The following RDH13 variants were observed in gnomAD, a reference collection of about 807,000 sequenced individuals.
RDH13 encodes retinol dehydrogenase 13.
RDH13 carries 35 observed loss-of-function variants against 28.3 expected under a neutral mutation model. The ratio of observed to expected loss-of-function variants is 1.24; its 90% CI spans 0.95 to 1.64. RDH13 has a LOEUF of 1.64. Among genes scored for constraint, RDH13 ranks in the 40% most tolerant of loss-of-function variants. The pLI, the probability that RDH13 is intolerant of heterozygous loss-of-function variation, is 0.00. For missense variants in RDH13, 514 were observed against 446.3 expected (o/e 1.15, Z -1.37); for synonymous variants, 229 against 198.5 (o/e 1.15, Z -1.29).
rs58069132 is a variant in RDH13, at chr19:55,051,421, G to GT, written c.341-2659dup. On this transcript the variant is annotated intron_variant, in intron 3 of 6. Coordinates refer to ENST00000415061, the MANE Select transcript of RDH13 (RefSeq NM_001145971.2). ...CGCCAGCTTCTGGTGTTTTGTTTTG[G>GT]TTTTTTTTCTTTTTTTTTTTGAGAT... Among the ~76,000 whole-genome samples, 1,169 of 149,976 alleles carry GT rather than the reference G, an allele frequency of 7.8e-3. 15 individuals carry two copies. The highest frequency in any genetic ancestry group is 0.026 in the African/African-American group (1,067 of 41,194).
At chr19:55,047,735 G>A (rs541219239) in intron 5 of RDH13, among the ~76,000 whole-genome samples, 2 of 152,304 alleles carry the variant, frequency 1.3e-5, no homozygotes, top group Admixed American at 1.3e-4. Flanking sequence ...CTTACCCCGG[G>A]AGCCTGCATC....
downstream of RDH13, among the ~76,000 whole-genome samples, chr19:55,043,920 CTTTTT>C (rs1555812976): frequency 7.4e-6 from 1 of 135,250 alleles, no homozygotes; most frequent in African/African-American, 2.7e-5. Context: ...AAAGTCGGAA[CTTTTT>C]TTTTTTTTTG....
intron 3 of RDH13, among the ~76,000 whole-genome samples, chr19:55,053,582 G>C (rs1381588288): frequency 6.6e-6 from 1 of 151,928 alleles, no homozygotes; most frequent in African/African-American, 2.4e-5. Context: ...GCATGAACCC[G>C]GGAGGCGGAG....
chr19:55,052,730 C>T (rs1271781961), intron 3 of RDH13, among the ~76,000 whole-genome samples: 19 of 150,886 alleles, frequency 1.3e-4, no homozygotes, highest in African/African-American at 4.4e-4. Flanking sequence ...GGCGCCATCT[C>T]GGCTCACTGC....
chr19:55,054,105 G>C (rs967937480), intron 3 of RDH13, among the ~76,000 whole-genome samples: 3 of 152,176 alleles, frequency 2.0e-5, no homozygotes, highest in Non-Finnish European at 4.4e-5. Context: ...TGCCTCCCTA[G>C]GGCTGTGAGT....
rs191205817 is a variant in RDH13 at position 55,045,032 on chromosome 19, G to T, written c.*42C>A. ...GCGGGCATGGCGGACAGCTGTCCTC[G>T]GTCTGGAGGCGCCATCCTGGCTTTC... is the stretch of plus-strand genomic sequence containing the variant. On this transcript the variant is annotated 3_prime_UTR_variant, in exon 7 of 7. Transcript: ENST00000415061. 15 of 1,433,206 alleles carry T rather than the reference G, an allele frequency of 1.0e-5. No individual in the cohort carries two copies. The Admixed American group carries it at 1.4e-4, about 14-fold the overall frequency. The allele number at this position is 1,433,206 out of a possible 1,614,324, so 88.8% of individuals were successfully genotyped here.
Position 55,047,497 on chromosome 19 carries a change from G to A in RDH13, c.659-9C>T. ...GACAGTCACACCAGAGCCTGGGGAA[G>A]AAAGAAAGAGAAGACTGAGGGAGGG... On this transcript the variant is annotated splice_polypyrimidine_tract_variant and intron_variant, in intron 5 of 6. Coordinates refer to ENST00000415061, the MANE Select transcript of RDH13 (RefSeq NM_001145971.2). 1 of 1,600,160 alleles carries A rather than the reference G, an allele frequency of 6.2e-7. No individual in the cohort carries two copies. Among genetic ancestry groups the A allele is most frequent in the Non-Finnish European group, 8.5e-7 (1 of 1,178,026 alleles).
At chr19:55,057,683 C>T (rs990597031) in intron 2 of RDH13, among the ~76,000 whole-genome samples, 1 of 151,972 alleles carries the variant, frequency 6.6e-6, no homozygotes, top group African/African-American at 2.4e-5. Context: ...GGTGATCCAC[C>T]CCGCGGCCTC....
Position 55,048,439 on chromosome 19 carries a change from T to C in RDH13, c.548A>G (p.Asp183Gly), listed in dbSNP as rs1281955915. 6.2e-7 allele frequency: 1 copy of C among 1,614,098 alleles called. No individual in the cohort carries two copies. Among genetic ancestry groups the C allele is most frequent in the South Asian group, 1.1e-5 (1 of 91,080 alleles). Reference protein sequence around the residue: ...SSLAHVAGHIDFDDLNWQTRK... With the variant: ...SSLAHVAGHIGFDDLNWQTRK... ...CGTCTGCCAGTTCAAGTCGTCAAAG[T>C]CTATGTGCCCAGCAACATGGGCCAG... Residue 183 changes from aspartate (D) to glycine (G), a missense_variant, in exon 5 of 7, where the codon GAC becomes GGC. Asp to Gly is a moderately conservative substitution (Grantham distance 94). Coordinates refer to ENST00000415061, the MANE Select transcript of RDH13 (RefSeq NM_001145971.2).
rs374590131 is a variant in RDH13, at chr19:55,048,508, T to C, written c.479A>G (p.Lys160Arg). The change falls in exon 5 of 7, where the codon AAG becomes AGG. Residue 160 changes from lysine to arginine, a missense_variant. Transcript: ENST00000415061. ...CCGCGAAGGGGCTGAGGCTTTCAGC[T>C]TGTCCAGCAGCAAGTTTGTCAAGAG... Reference protein sequence around the residue: ...HFLLTNLLLDKLKASAPSRII... With the variant: ...HFLLTNLLLDRLKASAPSRII... 4 of 1,614,192 alleles carry C rather than the reference T, an allele frequency of 2.5e-6. No homozygotes were observed. The highest frequency in any genetic ancestry group is 1.7e-6 in the Non-Finnish European group (2 of 1,180,022).
intron 2 of RDH13, among the ~76,000 whole-genome samples, chr19:55,057,481 G>A (rs1354560362): frequency 6.7e-6 from 1 of 149,142 alleles, no homozygotes; most frequent in Admixed American, 6.7e-5. Context: ...CACCCAGGCT[G>A]GAGTGCGGTG....
chr19:55,049,534 A>G (rs1018706714), intron 3 of RDH13, among the ~76,000 whole-genome samples: 5 of 152,164 alleles, frequency 3.3e-5, no homozygotes, highest in African/African-American at 1.2e-4. Context: ...TCACGCCTGT[A>G]ATCCCAGCAC....
At chr19:55,054,872 G>A (rs10423151) in intron 3 of RDH13, among the ~76,000 whole-genome samples, 24,170 of 151,908 alleles carry the variant, frequency 0.16, 2,298 homozygotes, top group African/African-American at 0.27. Context: ...AAGTATTTGA[G>A]GTAATGCATA....
At chr19:55,042,026 T>A (rs2146964492), downstream of RDH13, 1 of 151,744 alleles carries the variant, frequency 6.6e-6, no homozygotes, top group East Asian at 1.9e-4. Context: ...GAGGGGGTGA[T>A]GCAGCGGACA....
chr19:55,049,287 G>A (rs898585489), intron 3 of RDH13, among the ~76,000 whole-genome samples: 5 of 152,142 alleles, frequency 3.3e-5, no homozygotes, highest in African/African-American at 7.2e-5. Context: ...GGCCAAAAAC[G>A]GGAGGTTACC....
At chr19:55,050,363 C>T (rs892920720) in intron 3 of RDH13, among the ~76,000 whole-genome samples, 75 of 152,172 alleles carry the variant, frequency 4.9e-4, no homozygotes, top group African/African-American at 1.7e-3. Context: ...GATCCACCTA[C>T]CTCAGCCTCC....
chr19:55,045,695 C>T (rs1348475095), intron 6 of RDH13, among the ~76,000 whole-genome samples: 3 of 152,154 alleles, frequency 2.0e-5, no homozygotes, highest in Admixed American at 2.0e-4. Flanking sequence ...CCTGTAATCC[C>T]AGCACTTTGG....
chr19:55,050,487 A>C (rs1397573393), intron 3 of RDH13, among the ~76,000 whole-genome samples: 4 of 151,988 alleles, frequency 2.6e-5, no homozygotes, highest in Non-Finnish European at 5.9e-5. Flanking sequence ...ACAGTGGCGC[A>C]ATCACTGCTC....
intron 3 of RDH13, among the ~76,000 whole-genome samples, chr19:55,049,889 C>T (rs1245599192): frequency 6.6e-6 from 1 of 151,142 alleles, no homozygotes; most frequent in Non-Finnish European, 1.5e-5. Context: ...AGGATCCGCT[C>T]TGGTCTCTCT....
Sources: allele counts gnomAD v4.1 joint callset (sites outside exome capture counted in the v4.1 genomes callset), GRCh38; gene constraint gnomAD v4.1.1; transcripts MANE v1.5; gene names NCBI Gene and HGNC (gene_info 2026-07-23, HGNC 2026-07-21).